GREB1L: variants seen among roughly 807,000 people sequenced by gnomAD.
GREB1L encodes the protein GREB1-like protein.
GREB1L carries 17 observed loss-of-function variants against 200.8 expected under a neutral mutation model. The ratio of observed to expected loss-of-function variants is 0.08; its 90% CI spans 0.06 to 0.13. The LOEUF (loss-of-function observed/expected upper bound fraction) is 0.13. Ranked by LOEUF, GREB1L falls within the 10% of genes least tolerant of loss-of-function variation. The pLI is 1.00. For missense variants in GREB1L, 1,657 were observed against 2,367.7 expected (o/e 0.70, Z 6.23); for synonymous variants, 789 against 893.0 (o/e 0.88, Z 2.08).
chr18:21,468,024 G>GAA (rs371165102), intron 15 of GREB1L, among the ~76,000 whole-genome samples: 3 of 93,984 alleles, frequency 3.2e-5, no homozygotes, highest in Admixed American at 1.1e-4. Context: ...GACTCCATCT[G>GAA]AAAAAAAAAA....
At chr18:21,335,879 G>C (rs1477522885) in intron 1 of GREB1L, among the ~76,000 whole-genome samples, 2 of 151,984 alleles carry the variant, frequency 1.3e-5, no homozygotes, top group African/African-American at 2.4e-5. Context: ...TAGCCAGGAT[G>C]GTCTCGATCT....
chr18:21,489,892 C>G, intron 18 of GREB1L, 120 bp from the exon 19 acceptor site: 1 of 704,592 alleles, frequency 1.4e-6, no homozygotes, highest in Non-Finnish European at 2.4e-6. Context: ...AACTAAAGCC[C>G]CACCACACTG....
At chr18:21,369,182 G>A (rs978557226) in intron 2 of GREB1L, among the ~76,000 whole-genome samples, 4 of 152,160 alleles carry the variant, frequency 2.6e-5, no homozygotes, top group African/African-American at 9.7e-5. Flanking sequence ...TGATTGTTGT[G>A]ATAAATCCCC....
In GREB1L at chr18:21,244,830, T is replaced by A. The variant is rs2037569934; in HGVS notation, c.-120+2437T>A. 2.0e-5 allele frequency among the ~76,000 whole-genome samples: 3 copies of A among 151,918 alleles called. No individual in the cohort carries two copies. The South Asian group carries it at 6.3e-4, about 32-fold the overall frequency. On this transcript the variant is annotated intron_variant, in intron 1 of 32. Transcript: ENST00000424526. ...TGTCACCTTGTGTGGCTAAGGAGAG[T>A]GAATTCTCCTCGCAGCCCACAGTGT... is the stretch of plus-strand genomic sequence containing the variant.
At chr18:21,440,463 C>G in intron 9 of GREB1L, 75 bp downstream of exon 9, 2 of 1,395,218 alleles carry the variant, frequency 1.4e-6, no homozygotes, top group South Asian at 2.6e-5. Flanking sequence ...CATTCTTTCC[C>G]TGAATTCTTG....
intron 1 of GREB1L, among the ~76,000 whole-genome samples, chr18:21,333,179 C>T (rs538364794): frequency 1.3e-5 from 2 of 152,252 alleles, no homozygotes; most frequent in African/African-American, 2.4e-5. Context: ...TCCCAGAAGT[C>T]TGGTGCCTGG....
chr18:21,243,339 G>T (rs1445095370), intron 1 of GREB1L, among the ~76,000 whole-genome samples: 1 of 152,144 alleles, frequency 6.6e-6, no homozygotes, highest in Non-Finnish European at 1.5e-5. Flanking sequence ...CGAGGCTGCG[G>T]GTCCTGGAGA....
chr18:21,487,601 T>TAG (rs1025172388), intron 18 of GREB1L, among the ~76,000 whole-genome samples: 2 of 152,214 alleles, frequency 1.3e-5, no homozygotes, highest in Non-Finnish European at 2.9e-5. Flanking sequence ...AAGACCTTGC[T>TAG]AGAGGCTGGA....
chr18:21,343,633 G>A (rs551929272), intron 1 of GREB1L, among the ~76,000 whole-genome samples: 2 of 151,852 alleles, frequency 1.3e-5, no homozygotes, highest in Non-Finnish European at 2.9e-5. Context: ...GCTGCCAGTA[G>A]AGCCCAAACC....
intron 7 of GREB1L, among the ~76,000 whole-genome samples, chr18:21,432,662 G>GTT (rs559843382): frequency 9.1e-6 from 1 of 109,712 alleles, no homozygotes; most frequent in African/African-American, 3.2e-5. Context: ...ATTTTCGTAA[G>GTT]TTTTTTTTTT....
intron 27 of GREB1L, among the ~76,000 whole-genome samples, chr18:21,508,937 T>A (rs1041620503): frequency 1.3e-5 from 2 of 151,998 alleles, no homozygotes; most frequent in Non-Finnish European, 2.9e-5. Flanking sequence ...AGAAAAAAGA[T>A]GGTCTAAGGG....
intron 4 of GREB1L, among the ~76,000 whole-genome samples, chr18:21,391,841 C>T (rs1452791589): frequency 6.6e-6 from 1 of 152,200 alleles, no homozygotes; most frequent in Non-Finnish European, 1.5e-5. Context: ...CAGAGTTTCA[C>T]TCTTGTTGCC....
At chr18:21,482,418 C>T (rs1406225870) in intron 17 of GREB1L, among the ~76,000 whole-genome samples, 5 of 152,048 alleles carry the variant, frequency 3.3e-5, no homozygotes, top group Admixed American at 2.0e-4. Flanking sequence ...CCACCACGCT[C>T]GGCTAATTTT....
intron 2 of GREB1L, among the ~76,000 whole-genome samples, chr18:21,379,584 A>G (rs2040220975): frequency 1.3e-5 from 2 of 152,194 alleles, no homozygotes; most frequent in Admixed American, 1.3e-4. Flanking sequence ...ATTTCCAGAC[A>G]TTGGTGCTCT....
At chr18:21,515,775 A>G (rs777434951) in intron 29 of GREB1L, 131 bp downstream of exon 29, 295 of 702,308 alleles carry the variant, frequency 4.2e-4, no homozygotes, top group Non-Finnish European at 6.0e-4. Context: ...GCAAGGAGAA[A>G]GGGGGATCAC....
At chr18:21,479,486 C>T (rs777823244) in intron 17 of GREB1L, among the ~76,000 whole-genome samples, 4 of 151,966 alleles carry the variant, frequency 2.6e-5, no homozygotes, top group Admixed American at 6.6e-5. Context: ...CAAGACCAGC[C>T]TGGGCAACAT....
chr18:21,245,875 G>A (rs1273953855), intron 1 of GREB1L, among the ~76,000 whole-genome samples: 1 of 151,918 alleles, frequency 6.6e-6, no homozygotes, highest in East Asian at 1.9e-4. Flanking sequence ...CTGCCACCAC[G>A]CCTGGCTAAT....
intron 1 of GREB1L, among the ~76,000 whole-genome samples, chr18:21,306,606 A>G (rs2038705455): frequency 6.6e-6 from 1 of 152,244 alleles, no homozygotes; most frequent in South Asian, 2.1e-4. Flanking sequence ...CTTGCACTGA[A>G]CAGGCAGTAG....
chr18:21,274,942 CAA>C (rs1290866100), intron 1 of GREB1L, among the ~76,000 whole-genome samples: 7 of 151,238 alleles, frequency 4.6e-5, no homozygotes, highest in African/African-American at 1.7e-4. Flanking sequence ...CTTGTAATAA[CAA>C]TGAAAAAAAT....
Sources: allele counts gnomAD v4.1 joint callset (sites outside exome capture counted in the v4.1 genomes callset), GRCh38; gene constraint gnomAD v4.1.1; transcripts MANE v1.5; gene names NCBI Gene and HGNC (gene_info 2026-07-23, HGNC 2026-07-21).